Variants in ST6GALNAC5 observed in about 807,000 individuals in gnomAD.
ST6GALNAC5 encodes alpha-N-acetylgalactosaminide alpha-2,6-sialyltransferase 5.
ST6GALNAC5 carries 27 observed loss-of-function variants against 33.6 expected under a neutral mutation model. The observed-to-expected ratio is 0.80, with a 90% CI of 0.59 to 1.11. The LOEUF (loss-of-function observed/expected upper bound fraction) is 1.11. ST6GALNAC5 is among the 50% of genes least tolerant of loss of function. The probability of loss-of-function intolerance (pLI) is 0.00; values close to 1 mark genes in which losing one functional copy is unlikely to be tolerated. For missense variants in ST6GALNAC5, 428 were observed against 454.0 expected (o/e 0.94, Z 0.52); for synonymous variants, 194 against 171.2 (o/e 1.13, Z -1.04).
Position 76,868,044 on chromosome 1 carries a change from G to A in ST6GALNAC5, c.15+354G>A, listed in dbSNP as rs1653385452. ...AAAAACTAAGAGGGACGGGGAGGGG[G>A]GACCTTTGCAGACTTTCTTCGTTTT... is the stretch of plus-strand genomic sequence containing the variant. On this transcript the variant is annotated intron_variant, in intron 1 of 4. Coordinates refer to ENST00000477717, the MANE Select transcript of ST6GALNAC5 (RefSeq NM_030965.3). This position sits in a 1 kb window ranked among gnomAD's most constrained non-coding sequence, Gnocchi z 4.3. Among the ~76,000 whole-genome samples the A allele has an allele frequency of 6.6e-6, 1 of 152,148 alleles. No individual in the cohort carries two copies. The highest frequency in any genetic ancestry group is 1.5e-5 in the Non-Finnish European group (1 of 68,030).
intron 4 of ST6GALNAC5, among the ~76,000 whole-genome samples, chr1:77,060,984 T>C (rs779929562): frequency 3.3e-5 from 5 of 152,168 alleles, no homozygotes; most frequent in Non-Finnish European, 7.3e-5. Flanking sequence ...AAGATATGTC[T>C]CACAAATTCT....
At chr1:76,988,698 T>C (rs1649605844) in intron 2 of ST6GALNAC5, among the ~76,000 whole-genome samples, 1 of 152,118 alleles carries the variant, frequency 6.6e-6, no homozygotes. Flanking sequence ...TTCTCATCAT[T>C]TCAATTTCTT....
chr1:76,963,971 T>C (rs1455831873), intron 2 of ST6GALNAC5, among the ~76,000 whole-genome samples: 1 of 152,030 alleles, frequency 6.6e-6, no homozygotes, highest in East Asian at 1.9e-4. Flanking sequence ...AGAAATGCAA[T>C]GTTTTTGAAG....
At position 76,913,462 on chromosome 1, in the gene ST6GALNAC5, G is replaced by T. The variant is rs1403815043; in HGVS notation, c.261+44720G>T. Among the ~76,000 whole-genome samples the T allele has an allele frequency of 2.0e-5, 3 of 152,050 alleles. No individual in the cohort carries two copies. In the East Asian group the frequency reaches 5.8e-4, roughly 29 times the overall value. ...CTGTATTTCCTGAATCTGAATGTTG[G>T]CCTGCCTTGCTAGATTCGGGAAGTT... On this transcript the variant is annotated intron_variant, in intron 2 of 4. Coordinates refer to ENST00000477717, the MANE Select transcript of ST6GALNAC5 (RefSeq NM_030965.3).
At chr1:76,957,842 A>G (rs1408174159) in intron 2 of ST6GALNAC5, among the ~76,000 whole-genome samples, 2 of 152,036 alleles carry the variant, frequency 1.3e-5, no homozygotes, top group African/African-American at 4.8e-5. Flanking sequence ...TAGCTGATGG[A>G]TTTTTCCCCC....
chr1:76,981,803 AGCAATATTTGCTGTTCT>A (rs1195972039), intron 2 of ST6GALNAC5, among the ~76,000 whole-genome samples: 2 of 152,218 alleles, frequency 1.3e-5, no homozygotes, highest in Non-Finnish European at 2.9e-5. Flanking sequence ...AGGATCAGGC[AGCAATATTTGCTGTTCT>A]GCAATATTTG....
intron 2 of ST6GALNAC5, among the ~76,000 whole-genome samples, chr1:76,946,651 G>C (rs1166824073): frequency 6.6e-6 from 1 of 152,104 alleles, no homozygotes; most frequent in East Asian, 1.9e-4. Flanking sequence ...GAGCAGTCCA[G>C]AGTGGTCTGT....
chr1:76,896,690 G>A (rs1178328422), intron 2 of ST6GALNAC5, among the ~76,000 whole-genome samples: 2 of 152,182 alleles, frequency 1.3e-5, no homozygotes, highest in Non-Finnish European at 1.5e-5. Flanking sequence ...AATGGTAATT[G>A]TCGGACTTAA....
chr1:77,014,085 C>A (rs1357108856), intron 2 of ST6GALNAC5, among the ~76,000 whole-genome samples: 1 of 152,158 alleles, frequency 6.6e-6, no homozygotes, highest in Non-Finnish European at 1.5e-5. Context: ...CAGAGGGAAT[C>A]AGTATAAAAT....
chr1:76,877,388 A>G (rs1470433025), intron 2 of ST6GALNAC5, among the ~76,000 whole-genome samples: 2 of 152,066 alleles, frequency 1.3e-5, no homozygotes, highest in African/African-American at 2.4e-5. Context: ...CCCACTCAAA[A>G]CTGGCAGCCT....
chr1:76,945,820 C>T (rs1416606884), intron 2 of ST6GALNAC5, among the ~76,000 whole-genome samples: 1 of 152,096 alleles, frequency 6.6e-6, no homozygotes, highest in Non-Finnish European at 1.5e-5. Context: ...CATTCTCTCC[C>T]ACTTGCTGTG....
At position 76,868,581 on chromosome 1, in the gene ST6GALNAC5, G is replaced by A. The variant is rs1311947265; in HGVS notation, c.100G>A (p.Glu34Lys). 9 of 1,612,652 alleles carry A rather than the reference G, an allele frequency of 5.6e-6. No individual in the cohort carries two copies. The highest frequency in any genetic ancestry group is 7.6e-6 in the Non-Finnish European group (9 of 1,179,574). The change falls in exon 2 of 5, where the codon GAG (glutamate) becomes AAG (lysine). Residue 34 changes from glutamate to lysine, a missense_variant. Transcript: ENST00000477717. The surrounding 1 kb of genome is among the most constrained non-coding windows in gnomAD (Gnocchi z 4.3). ...GTACAGCAGCCTCGGCGGCCAGAAG[G>A]AGCGGCCCCCGCAGCAGCAGCAGCA... is the stretch of plus-strand genomic sequence containing the variant. ...LVYSSLGGQK[E>K]RPPQQQQQQQ...
intron 2 of ST6GALNAC5, among the ~76,000 whole-genome samples, chr1:76,990,053 T>G (rs776835633): frequency 1.3e-5 from 2 of 152,210 alleles, no homozygotes. Context: ...TTAAAAGTAT[T>G]TAAACTCTCT....
At position 76,868,501 on chromosome 1, in the gene ST6GALNAC5, A is replaced by G. The variant is rs755157265; in HGVS notation, c.20A>G (p.His7Arg). The G allele has an allele frequency of 5.0e-6, 8 of 1,601,206 alleles. No homozygotes were observed. The highest frequency in any genetic ancestry group is 1.7e-4 in the Middle Eastern group (1 of 5,994). ...CTCTCTCCCGCCCGCCCGCAGCGCCATGGTCTGGCAGTGTGTTTAGCGCTC... is the reference window on the plus strand; with the variant it reads ...CTCTCTCCCGCCCGCCCGCAGCGCCGTGGTCTGGCAGTGTGTTTAGCGCTC... MKTLMR[H>R]GLAVCLALTT... The change falls in exon 2 of 5, where the codon CAT becomes CGT. Residue 7 changes from histidine (H) to arginine (R), a missense_variant. By Grantham distance (29) the His-to-Arg change is conservative. Coordinates refer to ENST00000477717, the MANE Select transcript of ST6GALNAC5 (RefSeq NM_030965.3). The surrounding 1 kb of genome is among the most constrained non-coding windows in gnomAD (Gnocchi z 4.3).
At chr1:76,867,923 G>T (rs1357679804) in intron 1 of ST6GALNAC5, among the ~76,000 whole-genome samples, 1 of 152,192 alleles carries the variant, frequency 6.6e-6, no homozygotes, top group African/African-American at 2.4e-5. Context: ...TAGATCTCCG[G>T]CGAGAGGTCC....
At chr1:76,905,054 C>G (rs921728528) in intron 2 of ST6GALNAC5, among the ~76,000 whole-genome samples, 1 of 152,084 alleles carries the variant, frequency 6.6e-6, no homozygotes, top group African/African-American at 2.4e-5. Flanking sequence ...TATGAAAATT[C>G]TTTCAGTTGT....
At chr1:76,935,057 TTTTA>T (rs1007773259) in intron 2 of ST6GALNAC5, among the ~76,000 whole-genome samples, 2 of 152,094 alleles carry the variant, frequency 1.3e-5, no homozygotes, top group Non-Finnish European at 2.9e-5. Context: ...TAATAAACAT[TTTTA>T]TTTATTTGTC....
At chr1:76,967,698 C>T (rs1252521765) in intron 2 of ST6GALNAC5, among the ~76,000 whole-genome samples, 2 of 152,144 alleles carry the variant, frequency 1.3e-5, no homozygotes, top group Non-Finnish European at 2.9e-5. Flanking sequence ...TTAGATCTTT[C>T]CTGCTTTCTT....
At chr1:76,910,541 T>C (rs1646900942) in intron 2 of ST6GALNAC5, among the ~76,000 whole-genome samples, 1 of 152,066 alleles carries the variant, frequency 6.6e-6, no homozygotes, top group African/African-American at 2.4e-5. Context: ...GATTTGGAAA[T>C]CTTGGTTTTA....
Sources: gnomAD v4.1 joint callset for allele counts (sites outside exome capture counted in the v4.1 genomes callset) on GRCh38, gnomAD v4.1.1 for gene constraint, Gnocchi (gnomAD v3.1) non-coding constraint, MANE v1.5 for transcripts, NCBI Gene and HGNC (gene_info 2026-07-23, HGNC 2026-07-21) for gene names.